The following RANBP2 variants were observed in gnomAD, a reference collection of about 807,000 sequenced individuals.
RANBP2 encodes the protein E3 SUMO-protein ligase RanBP2.
A neutral mutation model predicts 303.6 loss-of-function variants in RANBP2; 57 were observed. That is an observed-to-expected ratio of 0.19 (90% CI 0.15 to 0.23). RANBP2 has a LOEUF of 0.23. Among genes scored for constraint, RANBP2 ranks in the 10% least tolerant of loss-of-function variants. The probability of loss-of-function intolerance (pLI) is 1.00; values close to 1 mark genes in which losing one functional copy is unlikely to be tolerated. For missense variants in RANBP2, 3,138 were observed against 3,780.8 expected (o/e 0.83, Z 4.46); for synonymous variants, 1,167 against 1,301.5 (o/e 0.90, Z 2.23).
chr2:109,501,270 G>A, the RANBP2 span, among the ~76,000 whole-genome samples: 797 of 152,280 alleles, frequency 5.2e-3, 4 homozygotes, highest in Non-Finnish European at 8.2e-3. Flanking sequence ...CAGCTTCTTC[G>A]TAGATCAGCG....
At chr2:108,937,059 G>A in the RANBP2 span, among the ~76,000 whole-genome samples, 1 of 152,242 alleles carries the variant, frequency 6.6e-6, no homozygotes, top group Non-Finnish European at 1.5e-5. Context: ...CAGGCCAAAC[G>A]TCTTGGCAAG....
chr2:108,937,751 ATGAATGTATGTGTG>A, the RANBP2 span, among the ~76,000 whole-genome samples: 7 of 151,922 alleles, frequency 4.6e-5, no homozygotes, highest in East Asian at 7.7e-4. Context: ...GTGTATGCAT[ATGAATGTATGTGTG>A]TGAATGTATG....
At chr2:108,741,920 T>TG (rs1032164874) in intron 7 of RANBP2, among the ~76,000 whole-genome samples, 1 of 151,374 alleles carries the variant, frequency 6.6e-6, no homozygotes, top group African/African-American at 2.4e-5. Flanking sequence ...GATTGTTAAT[T>TG]TTAGAGAAGG....
the RANBP2 span, chr2:108,912,526 G>C: frequency 1.3e-6 from 1 of 753,714 alleles, no homozygotes; most frequent in African/African-American, 1.7e-5. Flanking sequence ...TCCTGCACGG[G>C]GGGCAACATG....
At chr2:109,504,948 G>A in the RANBP2 span, among the ~76,000 whole-genome samples, 37 of 152,352 alleles carry the variant, frequency 2.4e-4, no homozygotes, top group Admixed American at 1.5e-3. Flanking sequence ...CCCTCTAGGG[G>A]CTCATGTGCC....
the RANBP2 span, among the ~76,000 whole-genome samples, chr2:109,647,658 T>G: frequency 0.019 from 2,853 of 151,188 alleles, 102 homozygotes; most frequent in African/African-American, 0.065. Flanking sequence ...TTGGTAGAGA[T>G]GGGGTTTCAC....
At chr2:109,636,926 A>C in the RANBP2 span, among the ~76,000 whole-genome samples, 1 of 152,150 alleles carries the variant, frequency 6.6e-6, no homozygotes, top group African/African-American at 2.4e-5. Flanking sequence ...CACAGAGACA[A>C]AGTATAGAGA....
chr2:109,433,188 G>A, the RANBP2 span, among the ~76,000 whole-genome samples: 1 of 152,198 alleles, frequency 6.6e-6, no homozygotes, highest in Non-Finnish European at 1.5e-5. Flanking sequence ...TGTATGCAGT[G>A]TGTATGCATG....
chr2:109,613,887 C>G, the RANBP2 span: 7 of 1,221,240 alleles, frequency 5.7e-6, no homozygotes, highest in African/African-American at 1.6e-5. Context: ...CGGCTGGTCC[C>G]GGCGACGGCG....
chr2:109,416,426 C>T, the RANBP2 span, among the ~76,000 whole-genome samples: 1 of 152,122 alleles, frequency 6.6e-6, no homozygotes, highest in Non-Finnish European at 1.5e-5. Flanking sequence ...GAAACCCCCC[C>T]GTTTCTACTA....
chr2:109,484,532 C>G, the RANBP2 span, among the ~76,000 whole-genome samples: 1 of 152,174 alleles, frequency 6.6e-6, no homozygotes, highest in Non-Finnish European at 1.5e-5. Context: ...ATCAGCCCAG[C>G]TCTTGAGGCC....
the RANBP2 span, among the ~76,000 whole-genome samples, chr2:109,483,789 T>G: frequency 6.6e-6 from 1 of 152,154 alleles, no homozygotes; most frequent in East Asian, 1.9e-4. Flanking sequence ...CTCCCCAGGC[T>G]GCAGGCGCTG....
the RANBP2 span, among the ~76,000 whole-genome samples, chr2:109,093,603 G>A: frequency 7.0e-6 from 1 of 141,924 alleles, no homozygotes; most frequent in Non-Finnish European, 1.6e-5. Context: ...CTAGAGTCTG[G>A]TAATAAGAGA....
At chr2:109,021,707 G>A in the RANBP2 span, among the ~76,000 whole-genome samples, 4 of 151,108 alleles carry the variant, frequency 2.6e-5, no homozygotes, top group East Asian at 7.8e-4. Context: ...CGCAGGCAGT[G>A]TGTGTCCATT....
the RANBP2 span, among the ~76,000 whole-genome samples, chr2:109,630,927 G>A: frequency 6.6e-5 from 10 of 152,182 alleles, no homozygotes; most frequent in East Asian, 1.9e-4. Context: ...TTAACTGGGC[G>A]TGGTGGCAGG....
chr2:109,274,749 A>C, the RANBP2 span, among the ~76,000 whole-genome samples: 1 of 152,168 alleles, frequency 6.6e-6, no homozygotes, highest in South Asian at 2.1e-4. Flanking sequence ...AATGCCATTA[A>C]ATTGTTCACT....
At chr2:109,153,641 A>G in the RANBP2 span, among the ~76,000 whole-genome samples, 1 of 152,074 alleles carries the variant, frequency 6.6e-6, no homozygotes, top group African/African-American at 2.4e-5. Context: ...ATAGTAAAAC[A>G]TGAGATCACC....
the RANBP2 span, among the ~76,000 whole-genome samples, chr2:109,050,486 C>T: frequency 6.6e-6 from 1 of 152,120 alleles, no homozygotes; most frequent in Non-Finnish European, 1.5e-5. Flanking sequence ...AACTCCTGGC[C>T]TCAAGTAATC....
chr2:109,622,770 A>C, the RANBP2 span, among the ~76,000 whole-genome samples: 1 of 152,204 alleles, frequency 6.6e-6, no homozygotes, highest in Admixed American at 6.5e-5. Flanking sequence ...GAAAACCAGC[A>C]ACACGGCATC....
Sources: allele counts gnomAD v4.1 joint callset (sites outside exome capture counted in the v4.1 genomes callset), GRCh38; gene constraint gnomAD v4.1.1; transcripts MANE v1.5; gene names NCBI Gene and HGNC (gene_info 2026-07-23, HGNC 2026-07-21).